Variants in SNX19 observed in about 807,000 individuals in gnomAD.
The protein encoded by SNX19 is sorting nexin-19.
A neutral mutation model predicts 85.2 loss-of-function variants in SNX19; 60 were observed. The observed-to-expected ratio is 0.70, with a 90% CI of 0.57 to 0.87. The LOEUF (loss-of-function observed/expected upper bound fraction) is 0.87. Among genes scored for constraint, SNX19 ranks in the 40% least tolerant of loss-of-function variants. The pLI is 0.00. For missense variants in SNX19, 1,201 were observed against 1,217.8 expected (o/e 0.99, Z 0.21); for synonymous variants, 520 against 470.0 (o/e 1.11, Z -1.38).
chr11:130,875,138 G>C lies in SNX19; in HGVS notation c.*3284C>G, dbSNP rs1943173492. On this transcript the variant is annotated 3_prime_UTR_variant, in exon 11 of 11. Transcript: ENST00000265909. The stretch of plus-strand genomic sequence containing the variant: ...AAATGTCCCTCAATGAATGAACAAA[G>C]AAAATGTGGCATAGCCATACAATGG... Among the ~76,000 whole-genome samples, 1 of 152,178 alleles carries C rather than the reference G, an allele frequency of 6.6e-6. No individual in the cohort carries two copies. The highest frequency in any genetic ancestry group is 6.5e-5 in the Admixed American group (1 of 15,270).
chr11:130,870,223 G>A lies in SNX19; in HGVS notation c.*8199C>T, dbSNP rs900907393. ...TGCTTGTGTTTCAATACAAGCTCTT[G>A]CCTCAGTCCTCTCCAGATTGCTAAA... On this transcript the variant is annotated 3_prime_UTR_variant, in exon 11 of 11. Transcript: ENST00000265909. 6.6e-6 allele frequency: 1 copy of A among 152,170 alleles called. No individual in the cohort carries two copies. The highest frequency in any genetic ancestry group is 1.9e-4 in the East Asian group (1 of 5,188). 9.4% of individuals were successfully genotyped at this position (152,170 alleles called of 1,614,324 possible). A position where few individuals can be genotyped will look rare whatever the true frequency, so the allele number is the denominator to read the frequency against.
At chr11:130,911,345 A>T in intron 2 of SNX19, 1 of 749,940 alleles carries the variant, frequency 1.3e-6, no homozygotes. Context: ...AAGTTAATTT[A>T]ACTCCTCACA....
At chr11:130,899,455 A>C (rs1319637420) in intron 8 of SNX19, among the ~76,000 whole-genome samples, 3 of 152,200 alleles carry the variant, frequency 2.0e-5, no homozygotes, top group Non-Finnish European at 4.4e-5. Context: ...GTACTTCAGA[A>C]GAGGGCCAAA....
intron 8 of SNX19, chr11:130,893,650 G>A: frequency 1.6e-6 from 1 of 612,630 alleles, no homozygotes; most frequent in East Asian, 2.7e-5. Context: ...CACAGAATAG[G>A]AACTTTGGGA....
At position 130,915,928 on chromosome 11, in the gene SNX19, T is replaced by C; in HGVS notation, c.12A>G (p.Glu4=). 1 of 1,613,722 alleles carries C rather than the reference T, an allele frequency of 6.2e-7. No homozygotes were observed. Among genetic ancestry groups the C allele is most frequent in the Non-Finnish European group, 8.5e-7 (1 of 1,179,708 alleles). Residue 4 remains glutamate, a synonymous_variant, in exon 1 of 11, where the codon GAA becomes GAG. Coordinates refer to ENST00000265909, the MANE Select transcript of SNX19 (RefSeq NM_014758.3). The stretch of plus-strand genomic sequence containing the variant: ...GAGTTTCCTGGAACGGTGGCACTGT[T>C]TCTGTCTTCATGGCTGAACGGACAA... MKT[E]TVPPFQETPA...
Position 130,871,431 on chromosome 11 carries a change from A to C in SNX19, c.*6991T>G, listed in dbSNP as rs557726699. On this transcript the variant is annotated 3_prime_UTR_variant, in exon 11 of 11. Coordinates refer to ENST00000265909, the MANE Select transcript of SNX19 (RefSeq NM_014758.3). ...GATTCCATGCAAGCAGGATGTGTAA[A>C]GGAGGTAAACTCCAAAAGTGTTTTT... Among the ~76,000 whole-genome samples the C allele has an allele frequency of 2.0e-5, 3 of 152,226 alleles. No homozygotes were observed. The highest frequency in any genetic ancestry group is 2.9e-5 in the Non-Finnish European group (2 of 68,036).
intron 8 of SNX19, among the ~76,000 whole-genome samples, chr11:130,883,660 T>C (rs2135291086): frequency 6.6e-6 from 1 of 152,326 alleles, no homozygotes; most frequent in South Asian, 2.1e-4. Context: ...GCCTACGTTC[T>C]GCCCACCCTT....
Position 130,910,000 on chromosome 11 carries a change from C to G in SNX19, c.2034+18G>C, listed in dbSNP as rs1412706068. ...TATAGATCAAAACTAAAGCTGAGCA[C>G]AGTGGCCCTGCTGGTACCTTGTCTA... On this transcript the variant is annotated intron_variant, in intron 4 of 10. Coordinates refer to ENST00000265909, the MANE Select transcript of SNX19 (RefSeq NM_014758.3). 1 of 1,612,188 alleles carries G rather than the reference C, an allele frequency of 6.2e-7. No individual in the cohort carries two copies. The highest frequency in any genetic ancestry group is 2.2e-5 in the East Asian group (1 of 44,900).
Position 130,874,353 on chromosome 11 carries a change from A to G in SNX19, c.*4069T>C, listed in dbSNP as rs139465099. Among the ~76,000 whole-genome samples the G allele has an allele frequency of 7.9e-5, 12 of 152,326 alleles. No individual in the cohort carries two copies. The East Asian group carries it at 2.3e-3, about 29-fold the overall frequency. ...AGGATTCTTGAAGGACTTCTGGGAAATGGTTCCTTCATTCCTTAGAAGAAA... is the reference window on the plus strand; with the variant it reads ...AGGATTCTTGAAGGACTTCTGGGAAGTGGTTCCTTCATTCCTTAGAAGAAA... On this transcript the variant is annotated 3_prime_UTR_variant, in exon 11 of 11. Transcript: ENST00000265909.
At chr11:130,880,373 T>G (rs969073328) in intron 9 of SNX19, among the ~76,000 whole-genome samples, 4 of 152,192 alleles carry the variant, frequency 2.6e-5, no homozygotes, top group Admixed American at 2.6e-4. Flanking sequence ...TCTGCAGGAT[T>G]GTCACCTAGT....
At chr11:130,894,674 T>A in intron 8 of SNX19, 1 of 985,446 alleles carries the variant, frequency 1.0e-6, no homozygotes, top group Non-Finnish European at 1.2e-6. Context: ...TGTCACCTAT[T>A]TGAAACAATA....
At chr11:130,912,020 A>C (rs1244937583) in intron 1 of SNX19, among the ~76,000 whole-genome samples, 2 of 151,836 alleles carry the variant, frequency 1.3e-5, no homozygotes, top group Non-Finnish European at 3.0e-5. Flanking sequence ...TTCTTGACTT[A>C]TAAAAATGGC....
intron 2 of SNX19, among the ~76,000 whole-genome samples, chr11:130,910,718 T>C (rs1946039727): frequency 1.3e-5 from 2 of 152,210 alleles, no homozygotes; most frequent in African/African-American, 4.8e-5. Context: ...TTAAAAGAGC[T>C]AATACGTGTA....
rs769375377 is a variant in SNX19 at position 130,879,713 on chromosome 11, T to C, written c.2759-2A>G. 8.1e-6 allele frequency: 13 copies of C among 1,613,632 alleles called. No individual in the cohort carries two copies. In the Middle Eastern group the frequency reaches 1.5e-3, roughly 184 times the overall value. On this transcript the variant is annotated splice_acceptor_variant, in intron 9 of 10. Coordinates refer to ENST00000265909, the MANE Select transcript of SNX19 (RefSeq NM_014758.3). LOFTEE classifies it high-confidence loss of function. ...CCCCAAGAATTTCTACTACGAGATCTGAGGAGGAAAAAACAGATGGAATTT... is the reference window on the plus strand; with the variant it reads ...CCCCAAGAATTTCTACTACGAGATCCGAGGAGGAAAAAACAGATGGAATTT...
intron 7 of SNX19, 86 bp downstream of exon 7, chr11:130,905,867 A>G: frequency 2.5e-6 from 4 of 1,606,620 alleles, no homozygotes; most frequent in Non-Finnish European, 3.4e-6. Flanking sequence ...AACAGAAATC[A>G]AAGTTACAAA....
intron 5 of SNX19, among the ~76,000 whole-genome samples, chr11:130,907,668 A>G (rs1192246857): frequency 1.3e-5 from 2 of 152,204 alleles, no homozygotes; most frequent in African/African-American, 4.8e-5. Flanking sequence ...GAGGAAAGAG[A>G]ATATCCTAGT....
intron 8 of SNX19, among the ~76,000 whole-genome samples, chr11:130,888,857 T>C (rs903330625): frequency 2.0e-5 from 3 of 152,204 alleles, no homozygotes; most frequent in African/African-American, 7.2e-5. Flanking sequence ...ACGTGCTCTA[T>C]TATTATTTTC....
intron 7 of SNX19, among the ~76,000 whole-genome samples, chr11:130,904,566 T>C (rs1018702213): frequency 2.0e-5 from 3 of 152,204 alleles, no homozygotes; most frequent in Non-Finnish European, 2.9e-5. Flanking sequence ...TAGTCCTCAA[T>C]TGTATGATTC....
chr11:130,888,198 G>A (rs1326648641), intron 8 of SNX19, among the ~76,000 whole-genome samples: 1 of 151,192 alleles, frequency 6.6e-6, no homozygotes, highest in Non-Finnish European at 1.5e-5. Context: ...CATCTTGTTG[G>A]CTTTAGATTA....
Sources: allele counts gnomAD v4.1 joint callset (sites outside exome capture counted in the v4.1 genomes callset), GRCh38; gene constraint gnomAD v4.1.1; transcripts MANE v1.5; gene names NCBI Gene and HGNC (gene_info 2026-07-23, HGNC 2026-07-21).